Variants in PLCB2 observed in about 807,000 individuals in gnomAD.
The protein encoded by PLCB2 is 1-phosphatidylinositol 4,5-bisphosphate phosphodiesterase beta-2.
Under a neutral mutation model 141.7 loss-of-function variants are expected in PLCB2, and 115 were observed. That is an observed-to-expected ratio of 0.81 (90% CI 0.70 to 0.95). The LOEUF (loss-of-function observed/expected upper bound fraction) is 0.95, where lower values mean the gene tolerates loss of function less well. PLCB2 is among the 40% of genes least tolerant of loss of function. The pLI is 0.00. For missense variants in PLCB2, 1,403 were observed against 1,541.1 expected (o/e 0.91, Z 1.50); for synonymous variants, 603 against 595.6 (o/e 1.01, Z -0.18).
At chr15:40,301,449 T>C (rs2040500359) in intron 7 of PLCB2, 3 of 635,882 alleles carry the variant, frequency 4.7e-6, no homozygotes, top group Non-Finnish European at 8.5e-6. Context: ...ATTAATTATT[T>C]AACTAAAAAG....
In PLCB2 at chr15:40,302,565, G is replaced by A. The variant is rs761044846; in HGVS notation, c.276C>T (p.Asn92=). 32 of 1,614,074 alleles carry A rather than the reference G, an allele frequency of 2.0e-5. No homozygotes were observed. The highest frequency in any genetic ancestry group is 1.5e-4 in the Admixed American group (9 of 60,006). The change falls in exon 4 of 32, where the codon AAC becomes AAT. Residue 92 remains asparagine (N), a synonymous_variant. Coordinates refer to ENST00000260402, the MANE Select transcript of PLCB2 (RefSeq NM_004573.3). The part of the protein sequence containing the change: ...RDVFNMDFPD[N]SFLLKTLTVV... ...CCGTGAGTGTCTTCAGCAGGAAACT[G>A]TTATCAGGAAAGTCCATGTTGAAGA... is the stretch of plus-strand genomic sequence containing the variant.
Position 40,288,904 on chromosome 15 carries a change from C to T in PLCB2, c.3369G>A (p.Ala1123=), listed in dbSNP as rs767903110. ...TCATCCTGGCCTCGTACTCTGCCAG[C>T]GCCTCCTTCTGGAACTGTGGAGACA... is the stretch of plus-strand genomic sequence containing the variant. ...REMEKQFQKE[A]LAEYEARMKG... is the part of the protein sequence containing the mutation. The change falls in exon 32 of 32, where the codon GCG becomes GCA. Residue 1123 remains alanine (A), a synonymous_variant. Coordinates refer to ENST00000260402, the MANE Select transcript of PLCB2 (RefSeq NM_004573.3). 20 of 1,613,052 alleles carry T rather than the reference C, an allele frequency of 1.2e-5. No individual in the cohort carries two copies. The highest frequency in any genetic ancestry group is 5.5e-5 in the South Asian group (5 of 91,068).
In PLCB2 at chr15:40,295,005, A is replaced by G. The variant is rs764173871; in HGVS notation, c.1837T>C (p.Ser613Pro). Reference protein sequence around the residue: ...IYPKGTRMDSSNYMPQMFWNA... With the variant: ...IYPKGTRMDSPNYMPQMFWNA... ...CAGAACATCTGGGGCATGTAGTTGG[A>G]GGAGTCCATGCGGGTTCCCTTGGGG... is the stretch of plus-strand genomic sequence containing the variant. Residue 613 changes from serine to proline, a missense_variant, in exon 18 of 32, where the codon TCC becomes CCC. Coordinates refer to ENST00000260402, the MANE Select transcript of PLCB2 (RefSeq NM_004573.3). 2.5e-6 allele frequency: 4 copies of G among 1,614,072 alleles called. No homozygotes were observed. Among genetic ancestry groups the G allele is most frequent in the South Asian group, 1.1e-5 (1 of 91,080 alleles).
Position 40,297,447 on chromosome 15 carries a change from C to T in PLCB2, c.1323+74G>A. On this transcript the variant is annotated intron_variant, in intron 13 of 31. Transcript: ENST00000260402. The surrounding 1 kb of genome is among the most constrained non-coding windows in gnomAD (Gnocchi z 4.2). ...TAGCATCCTCTGGGAGTGTCTCCCT[C>T]CCTAACCTGGTTCTCACCCTGCCCC... 1 of 1,135,050 alleles carries T rather than the reference C, an allele frequency of 8.8e-7. No homozygotes were observed. Among genetic ancestry groups the T allele is most frequent in the Non-Finnish European group, 1.3e-6 (1 of 744,074 alleles). The allele number at this position is 1,135,050 out of a possible 1,614,324, so 70.3% of individuals were successfully genotyped here.
Position 40,302,436 on chromosome 15 carries a change from G to A in PLCB2, c.372+33C>T, listed in dbSNP as rs375973613. ...TCAGGAAGTCCAGGCTATCCCAGGG[G>A]CCCAGACCCAGGCCCAGTGCTCCCT... is the stretch of plus-strand genomic sequence containing the variant. On this transcript the variant is annotated intron_variant, in intron 4 of 31. Transcript: ENST00000260402. The A allele has an allele frequency of 3.1e-6, 5 of 1,613,214 alleles. No individual in the cohort carries two copies. In the African/African-American group the frequency reaches 6.7e-5, roughly 22 times the overall value.
In PLCB2 at chr15:40,301,311, G is replaced by A. The variant is rs540291193; in HGVS notation, c.582+646C>T. 8 of 537,010 alleles carry A rather than the reference G, an allele frequency of 1.5e-5. No homozygotes were observed. In the South Asian group the frequency reaches 1.9e-4, roughly 13 times the overall value. The allele number at this position is 537,010 out of a possible 1,614,324, so 33.3% of individuals were successfully genotyped here. A position where few individuals can be genotyped will look rare whatever the true frequency, so the allele number is the denominator to read the frequency against. ...AAGAGCACTGGCCAAGCAGGGACAG[G>A]GGCTGAGATTCGCTCCATTGGCCAG... On this transcript the variant is annotated intron_variant, in intron 7 of 31. Coordinates refer to ENST00000260402, the MANE Select transcript of PLCB2 (RefSeq NM_004573.3).
intron 16 of PLCB2, 81 bp downstream of exon 16, chr15:40,296,215 T>A (rs1254180096): frequency 9.1e-7 from 1 of 1,092,972 alleles, no homozygotes; most frequent in Non-Finnish European, 1.4e-6. Flanking sequence ...GGCTGGATAT[T>A]TATAGGCAGG....
intron 30 of PLCB2, 125 bp from the exon 31 acceptor site, chr15:40,289,483 T>G: frequency 1.4e-6 from 1 of 719,098 alleles, no homozygotes; most frequent in Non-Finnish European, 2.5e-6. Context: ...TAGGTAGTTT[T>G]TAAAATTTGT....
chr15:40,284,598 T>C (rs1566864095), downstream of PLCB2: 1 of 453,588 alleles, frequency 2.2e-6, no homozygotes, highest in Non-Finnish European at 4.4e-6. Flanking sequence ...TCCCAGCACT[T>C]TGGGAGGCCG....
chr15:40,293,429 G>A (rs2141070784), intron 20 of PLCB2, 131 bp downstream of exon 20: 1 of 893,648 alleles, frequency 1.1e-6, no homozygotes, highest in Non-Finnish European at 1.8e-6. Context: ...TCTTGAAACA[G>A]GAGGGCCCAG....
Position 40,304,168 on chromosome 15 carries a change from C to A in PLCB2, c.85-90G>T, listed in dbSNP as rs2040675994. 3 of 801,872 alleles carry A rather than the reference C, an allele frequency of 3.7e-6. No homozygotes were observed. In the South Asian group the frequency reaches 4.4e-5, roughly 12 times the overall value. 49.7% of individuals were successfully genotyped at this position (801,872 alleles called of 1,614,324 possible). A position where few individuals can be genotyped will look rare whatever the true frequency, so the allele number is the denominator to read the frequency against. ...AGGGGTTTCAGAGCTCATTATCTTC[C>A]CAGGAGGTGCCCATCCCAGAAATCT... On this transcript the variant is annotated intron_variant, in intron 1 of 31. Coordinates refer to ENST00000260402, the MANE Select transcript of PLCB2 (RefSeq NM_004573.3).
At position 40,291,024 on chromosome 15, in the gene PLCB2, C is replaced by CAGA; in HGVS notation, c.3029_3030insTCT (p.Val1010_Ala1011insLeu). ...CCCTGCCCCTCCCGGCCACCTCGGC[C>CAGA]ACGTGCTGCTCCTTGCGCTTCAGAA... On this transcript the variant is annotated inframe_insertion, in exon 27 of 32. Coordinates refer to ENST00000260402, the MANE Select transcript of PLCB2 (RefSeq NM_004573.3). The CAGA allele has an allele frequency of 6.3e-7, 1 of 1,592,828 alleles. No individual in the cohort carries two copies. Among genetic ancestry groups the CAGA allele is most frequent in the Non-Finnish European group, 8.5e-7 (1 of 1,177,434 alleles).
At chr15:40,306,035 A>C (rs191724876) in intron 1 of PLCB2, among the ~76,000 whole-genome samples, 76 of 152,330 alleles carry the variant, frequency 5.0e-4, no homozygotes, top group African/African-American at 1.8e-3. Context: ...GTGTTACCTG[A>C]GAGTAAATAT....
At chr15:40,289,554 G>A (rs946939137) in intron 30 of PLCB2, 196 bp from the exon 31 acceptor site, 2 of 595,560 alleles carry the variant, frequency 3.4e-6, no homozygotes, top group Non-Finnish European at 6.0e-6. Flanking sequence ...GACAGCTCAT[G>A]TGAGGCACCT....
Position 40,307,629 on chromosome 15 carries a change from G to T in PLCB2, c.44C>A (p.Ala15Asp), listed in dbSNP as rs372840660. ...NPVLLPPKVK[A>D]YLSQGERFIK... Reference sequence around the variant, plus strand: ...GAAGCGCTCCCCTTGGCTCAGATAGGCCTTCACCTTGGGGGGCAGCAGGAC... The same window carrying T: ...GAAGCGCTCCCCTTGGCTCAGATAGTCCTTCACCTTGGGGGGCAGCAGGAC... Residue 15 changes from alanine to aspartate, a missense_variant, in exon 1 of 32, where the codon GCC becomes GAC. Coordinates refer to ENST00000260402, the MANE Select transcript of PLCB2 (RefSeq NM_004573.3). 6.0e-5 allele frequency: 96 copies of T among 1,586,998 alleles called. No individual in the cohort carries two copies. The highest frequency in any genetic ancestry group is 8.2e-5 in the Non-Finnish European group (96 of 1,165,042).
At chr15:40,289,096 T>A (rs1474671108) in intron 31 of PLCB2, 176 bp downstream of exon 31, 10 of 1,073,358 alleles carry the variant, frequency 9.3e-6, no homozygotes, top group Non-Finnish European at 1.3e-5. Context: ...GGAAAGGGGA[T>A]CCTAACCAGG....
chr15:40,288,486 G>C lies in PLCB2; in HGVS notation c.*229C>G, dbSNP rs1297735938. 1.6e-6 allele frequency: 2 copies of C among 1,267,594 alleles called. No homozygotes were observed. Among genetic ancestry groups the C allele is most frequent in the East Asian group, 2.9e-5 (1 of 34,012 alleles). 78.5% of individuals were successfully genotyped at this position (1,267,594 alleles called of 1,614,324 possible). On this transcript the variant is annotated 3_prime_UTR_variant, in exon 32 of 32. Transcript: ENST00000260402. ...TATCTAGAGATGGAGGGGGAGGTAG[G>C]AAGTCAGCTTGAGAAGACTTCTAGG...
chr15:40,304,701 G>T (rs951941781), intron 1 of PLCB2, among the ~76,000 whole-genome samples: 1 of 152,142 alleles, frequency 6.6e-6, no homozygotes, highest in African/African-American at 2.4e-5. Flanking sequence ...GGGACTCATG[G>T]ACTCCAGGAC....
rs767202250 is a variant in PLCB2, at chr15:40,291,640, G to A, written c.2613C>T (p.Ala871=). ...CTTTCATAGCCTCTTCCCTGGCCCC[G>A]GCCCTGGCTGCTGCAAGAGCCACGG... ...PTSNGSPAAR[A]GAREEAMKEA... The change falls in exon 25 of 32, where the codon GCC becomes GCT. Residue 871 remains alanine (A), a synonymous_variant. Transcript: ENST00000260402. 11 of 1,612,956 alleles carry A rather than the reference G, an allele frequency of 6.8e-6. No individual in the cohort carries two copies. The African/African-American group carries it at 8.0e-5, about 12-fold the overall frequency.
Sources: allele counts gnomAD v4.1 joint callset (sites outside exome capture counted in the v4.1 genomes callset), GRCh38; gene constraint gnomAD v4.1.1; non-coding constraint Gnocchi (gnomAD v3.1); transcripts MANE v1.5; gene names NCBI Gene and HGNC (gene_info 2026-07-23, HGNC 2026-07-21).